CDK14: variants seen among roughly 807,000 people sequenced by gnomAD.
CDK14 encodes cyclin dependent kinase 14.
In CDK14, 34 loss-of-function variants were observed where a neutral mutation model predicts 60.7. The ratio of observed to expected loss-of-function variants is 0.56; its 90% CI spans 0.43 to 0.75. The LOEUF (loss-of-function observed/expected upper bound fraction) is 0.75. Ranked by LOEUF, CDK14 falls within the 30% of genes least tolerant of loss-of-function variation. CDK14 has a pLI of 0.00. For missense variants in CDK14, 482 were observed against 564.1 expected, an observed-to-expected ratio of 0.85 and a Z score of 1.47; for synonymous variants, 197 against 203.7, an observed-to-expected ratio of 0.97 and a Z score of 0.28.
intron 2 of CDK14, among the ~76,000 whole-genome samples, chr7:90,718,717 G>T (rs1802337898): frequency 6.6e-6 from 1 of 152,104 alleles, no homozygotes; most frequent in Non-Finnish European, 1.5e-5. Flanking sequence ...CCATCTCTGT[G>T]TATACACACA....
intron 5 of CDK14, among the ~76,000 whole-genome samples, chr7:90,844,282 G>A (rs1031154699): frequency 2.6e-5 from 4 of 152,158 alleles, no homozygotes; most frequent in East Asian, 3.9e-4. Flanking sequence ...CCTGACCTTC[G>A]TCAAGGAATT....
intron 2 of CDK14, among the ~76,000 whole-genome samples, chr7:90,705,396 C>A (rs750086204): frequency 5.3e-5 from 8 of 151,948 alleles, no homozygotes; most frequent in Non-Finnish European, 1.2e-4. Flanking sequence ...TTCTTCAGTT[C>A]TTTTTTCCAG....
At chr7:90,987,219 A>G (rs140113783) in intron 10 of CDK14, among the ~76,000 whole-genome samples, 20 of 152,030 alleles carry the variant, frequency 1.3e-4, no homozygotes, top group African/African-American at 4.6e-4. Context: ...TCCCAATTTT[A>G]TGGGTATTCA....
chr7:91,029,655 C>G (rs1353701551), intron 10 of CDK14, among the ~76,000 whole-genome samples: 1 of 49,600 alleles, frequency 2.0e-5, no homozygotes. Context: ...CCTTCTGTTT[C>G]CTGCAGCTAT....
At chr7:91,147,884 C>T (rs900327479) in intron 14 of CDK14, among the ~76,000 whole-genome samples, 6 of 152,004 alleles carry the variant, frequency 3.9e-5, no homozygotes, top group South Asian at 2.1e-4. Context: ...AAAATTAGCA[C>T]GTTTAACATT....
intron 11 of CDK14, among the ~76,000 whole-genome samples, chr7:91,046,539 T>A (rs1396405198): frequency 6.6e-6 from 1 of 152,110 alleles, no homozygotes; most frequent in Non-Finnish European, 1.5e-5. Context: ...CCAGTAGGTG[T>A]CAGGCGTGAA....
At chr7:90,731,184 C>T (rs1802851821) in intron 3 of CDK14, among the ~76,000 whole-genome samples, 2 of 152,044 alleles carry the variant, frequency 1.3e-5, no homozygotes, top group East Asian at 3.8e-4. Context: ...TGTTATTTCT[C>T]AGGTCTCTGT....
chr7:90,636,408 T>C (rs978520711), intron 2 of CDK14, among the ~76,000 whole-genome samples: 2 of 152,222 alleles, frequency 1.3e-5, no homozygotes, highest in Non-Finnish European at 2.9e-5. Context: ...ATTTTTGTCA[T>C]TGGTTCTGTT....
At chr7:91,059,082 G>T (rs557240537) in intron 11 of CDK14, among the ~76,000 whole-genome samples, 73 of 152,198 alleles carry the variant, frequency 4.8e-4, no homozygotes, top group African/African-American at 1.5e-3. Flanking sequence ...CAATTTCAGA[G>T]CCTGTTATTG....
chr7:90,778,965 A>G (rs964146685), intron 4 of CDK14, among the ~76,000 whole-genome samples: 2 of 146,632 alleles, frequency 1.4e-5, no homozygotes, highest in Admixed American at 7.0e-5. Flanking sequence ...TTTTTAAGAC[A>G]TGGGCAACTG....
In CDK14 at chr7:90,850,751, G is replaced by C. The variant is rs1562797991; in HGVS notation, c.545-12424G>C. 2.6e-5 allele frequency among the ~76,000 whole-genome samples: 4 copies of C among 152,250 alleles called. No homozygotes were observed. The South Asian group carries it at 8.3e-4, about 32-fold the overall frequency. ...CTCTCCATCAGGAGCCTGTTGTGCG[G>C]GCTCTTCTAAGTCCTGTTAAGCAGC... is the stretch of plus-strand genomic sequence containing the variant. On this transcript the variant is annotated intron_variant, in intron 5 of 14. Transcript: ENST00000380050.
At chr7:91,123,288 C>T (rs1799838943) in intron 14 of CDK14, among the ~76,000 whole-genome samples, 1 of 152,104 alleles carries the variant, frequency 6.6e-6, no homozygotes, top group Non-Finnish European at 1.5e-5. Context: ...GTTTTTCCTG[C>T]AAAAACTGCC....
At chr7:91,030,740 C>A (rs139964293) in intron 10 of CDK14, among the ~76,000 whole-genome samples, 109 of 152,302 alleles carry the variant, frequency 7.2e-4, no homozygotes, top group Middle Eastern at 6.8e-3. Context: ...CACTTTTTGA[C>A]CATCCCTCAC....
intron 5 of CDK14, among the ~76,000 whole-genome samples, chr7:90,803,123 G>A (rs1788703590): frequency 6.7e-6 from 1 of 149,932 alleles, no homozygotes. Context: ...TTTTCTTGCA[G>A]TATCTAAGAT....
At position 90,927,741 on chromosome 7, in the gene CDK14, T is replaced by G. The variant is rs776522003; in HGVS notation, c.826+10017T>G. Among the ~76,000 whole-genome samples, 15 of 152,324 alleles carry G rather than the reference T, an allele frequency of 9.8e-5. 1 individual carries two copies. Among genetic ancestry groups the G allele is most frequent in the South Asian group, 8.3e-4 (4 of 4,828 alleles). On this transcript the variant is annotated intron_variant, in intron 8 of 14. Transcript: ENST00000380050. ...TCTTTGTGGCATTCTCTGTATTTCC[T>G]GAATTTCAATGTTGGCCTGCCTTGC...
intron 5 of CDK14, among the ~76,000 whole-genome samples, chr7:90,799,059 G>GT (rs756645435): frequency 9.2e-5 from 14 of 152,114 alleles, no homozygotes; most frequent in Non-Finnish European, 1.8e-4. Flanking sequence ...AGACTTCCAC[G>GT]TTTTTTGTTG....
At chr7:90,606,986 AT>A (rs1250942583) in intron 2 of CDK14, among the ~76,000 whole-genome samples, 2 of 151,980 alleles carry the variant, frequency 1.3e-5, no homozygotes, top group Non-Finnish European at 2.9e-5. Context: ...TAAGATTACA[AT>A]TTTTTTTCAT....
chr7:90,597,942 A>G (rs774425142), intron 1 of CDK14, among the ~76,000 whole-genome samples: 1 of 145,516 alleles, frequency 6.9e-6, no homozygotes, highest in Non-Finnish European at 1.5e-5. Flanking sequence ...AGTTTTATTT[A>G]TTGCATGTAT....
intron 14 of CDK14, among the ~76,000 whole-genome samples, chr7:91,130,460 T>C (rs1376950085): frequency 3.3e-5 from 5 of 152,110 alleles, no homozygotes; most frequent in Non-Finnish European, 7.4e-5. Flanking sequence ...TTAAGAGTCT[T>C]AAGGGGTCCT....
Sources: allele counts gnomAD v4.1 joint callset (sites outside exome capture counted in the v4.1 genomes callset), GRCh38; gene constraint gnomAD v4.1.1; transcripts MANE v1.5; gene names NCBI Gene and HGNC (gene_info 2026-07-23, HGNC 2026-07-21).